Variants in PLAAT1 observed in about 807,000 individuals in gnomAD.
PLAAT1 encodes H-REV107 protein-related protein.
PLAAT1 carries 13 observed loss-of-function variants against 16.4 expected under a neutral mutation model. That is an observed-to-expected ratio of 0.79 (90% confidence interval 0.52 to 1.26). The LOEUF (loss-of-function observed/expected upper bound fraction) is 1.26, where lower values mean the gene tolerates loss of function less well. Ranked by LOEUF, PLAAT1 falls within the 50% of genes most tolerant of loss-of-function variation. The probability of loss-of-function intolerance (pLI) is 0.00; values close to 1 mark genes in which losing one functional copy is unlikely to be tolerated. For missense variants in PLAAT1, 218 were observed against 207.8 expected (o/e 1.05, Z -0.30); for synonymous variants, 73 against 78.4 (o/e 0.93, Z 0.36).
intron 2 of PLAAT1, among the ~76,000 whole-genome samples, chr3:193,260,376 GCTT>G (rs1160502377): frequency 1.3e-5 from 2 of 152,098 alleles, no homozygotes; most frequent in African/African-American, 4.8e-5. Context: ...AAACAAAAGA[GCTT>G]CTGCACAGCA....
chr3:193,256,978 G>A (rs1408283978), intron 2 of PLAAT1, among the ~76,000 whole-genome samples: 1 of 152,158 alleles, frequency 6.6e-6, no homozygotes, highest in African/African-American at 2.4e-5. Flanking sequence ...AGCTGAGGTG[G>A]TGCCGGCCTC....
At chr3:193,272,280 A>G (rs1441510724), downstream of PLAAT1, among the ~76,000 whole-genome samples, 4 of 152,152 alleles carry the variant, frequency 2.6e-5, no homozygotes, top group East Asian at 3.9e-4. Context: ...CGTCTCTACT[A>G]AAAATACAAA....
At position 193,241,320 on chromosome 3, in the gene PLAAT1, G is replaced by T; in HGVS notation, c.-214G>T. The stretch of plus-strand genomic sequence containing the variant: ...CTCAGAGCCGCGGAGGGGCCGCCGG[G>T]ACCGTTTCAGCGTGGCGGCGCTGGT... On this transcript the variant is annotated 5_prime_UTR_variant, in exon 1 of 4. Coordinates refer to ENST00000264735, the MANE Select transcript of PLAAT1 (RefSeq NM_020386.5). 3 of 1,231,262 alleles carry T rather than the reference G, an allele frequency of 2.4e-6. No individual in the cohort carries two copies. Among genetic ancestry groups the T allele is most frequent in the Non-Finnish European group, 3.0e-6 (3 of 987,662 alleles). 76.3% of individuals were successfully genotyped at this position (1,231,262 alleles called of 1,614,324 possible).
At chr3:193,273,158 C>T (rs919865746), downstream of PLAAT1, among the ~76,000 whole-genome samples, 1 of 152,160 alleles carries the variant, frequency 6.6e-6, no homozygotes, top group African/African-American at 2.4e-5. Flanking sequence ...AAATATTATA[C>T]AGTGTATCAA....
At chr3:193,261,879 G>T (rs1716595887) in intron 2 of PLAAT1, among the ~76,000 whole-genome samples, 1 of 152,162 alleles carries the variant, frequency 6.6e-6, no homozygotes, top group Non-Finnish European at 1.5e-5. Context: ...GGATATATAT[G>T]CTCTGAGGAC....
At chr3:193,263,732 T>G (rs564042784) in intron 3 of PLAAT1, among the ~76,000 whole-genome samples, 1 of 152,346 alleles carries the variant, frequency 6.6e-6, no homozygotes, top group African/African-American at 2.4e-5. Flanking sequence ...CAATGAAATT[T>G]TGTGCCTTTA....
chr3:193,247,828 G>A (rs1716036121), intron 1 of PLAAT1, among the ~76,000 whole-genome samples: 1 of 152,088 alleles, frequency 6.6e-6, no homozygotes, highest in African/African-American at 2.4e-5. Context: ...AATTTGTTGA[G>A]ATTTGCTTTG....
At chr3:193,280,719 ATAT>A (rs1355851274), downstream of PLAAT1, among the ~76,000 whole-genome samples, 3 of 152,182 alleles carry the variant, frequency 2.0e-5, no homozygotes, top group Non-Finnish European at 2.9e-5. Flanking sequence ...TACCTTAGAA[ATAT>A]TATTTTTTAA....
intron 1 of PLAAT1, among the ~76,000 whole-genome samples, chr3:193,246,670 T>C (rs1259132350): frequency 6.6e-6 from 1 of 152,232 alleles, no homozygotes; most frequent in African/African-American, 2.4e-5. Flanking sequence ...CCCATATTTA[T>C]TGATTTATAT....
intron 1 of PLAAT1, among the ~76,000 whole-genome samples, chr3:193,254,991 G>A (rs1716320651): frequency 6.6e-6 from 1 of 152,176 alleles, no homozygotes; most frequent in African/African-American, 2.4e-5. Flanking sequence ...TGAAATGACA[G>A]AGTAGGTTTT....
intron 2 of PLAAT1, among the ~76,000 whole-genome samples, chr3:193,276,359 T>C (rs1187241849): frequency 6.6e-6 from 1 of 152,234 alleles, no homozygotes; most frequent in Non-Finnish European, 1.5e-5. Context: ...CGGCTTCTCC[T>C]CTTTCTTATG....
chr3:193,241,279 C>T lies in PLAAT1; in HGVS notation c.-255C>T, dbSNP rs532286552. The T allele has an allele frequency of 9.7e-4, 1,196 of 1,230,040 alleles. 10 individuals are homozygous for T. In the African/African-American group the frequency reaches 0.017, roughly 17 times the overall value. The allele number at this position is 1,230,040 out of a possible 1,614,324, so 76.2% of individuals were successfully genotyped here. ...GACGCCGAGCCCAGCGCGTCGGCCC[C>T]CCGGCGTGCGGGCGTCTCAGAGCCG... is the stretch of plus-strand genomic sequence containing the variant. On this transcript the variant is annotated 5_prime_UTR_variant, in exon 1 of 4. Coordinates refer to ENST00000264735, the MANE Select transcript of PLAAT1 (RefSeq NM_020386.5).
At chr3:193,253,537 G>A (rs1716268903) in intron 1 of PLAAT1, among the ~76,000 whole-genome samples, 1 of 152,128 alleles carries the variant, frequency 6.6e-6, no homozygotes, top group Non-Finnish European at 1.5e-5. Flanking sequence ...ACTTGCGACA[G>A]CTTTTTACCA....
chr3:193,270,448 T>G (rs1716946360), intron 3 of PLAAT1, among the ~76,000 whole-genome samples, 156 bp from the exon 4 acceptor site: 1 of 152,242 alleles, frequency 6.6e-6, no homozygotes, highest in East Asian at 1.9e-4. Flanking sequence ...TATTTCTTCA[T>G]CTTTATGCAG....
At chr3:193,248,584 GA>G (rs905483860) in intron 1 of PLAAT1, among the ~76,000 whole-genome samples, 7 of 151,926 alleles carry the variant, frequency 4.6e-5, no homozygotes, top group African/African-American at 1.7e-4. Flanking sequence ...TATCTACTAA[GA>G]ATTTTTCCTT....
At chr3:193,246,896 C>T (rs1716002326) in intron 1 of PLAAT1, among the ~76,000 whole-genome samples, 1 of 151,910 alleles carries the variant, frequency 6.6e-6, no homozygotes, top group South Asian at 2.1e-4. Flanking sequence ...TGAGGTAGTC[C>T]CTGTTTTATA....
At chr3:193,255,021 CAG>C (rs1280758555) in intron 1 of PLAAT1, among the ~76,000 whole-genome samples, 1 of 152,090 alleles carries the variant, frequency 6.6e-6, no homozygotes, top group East Asian at 1.9e-4. Context: ...GGCATTTTTG[CAG>C]AGTTTTAGTA....
At chr3:193,254,318 G>A (rs1023969607) in intron 1 of PLAAT1, among the ~76,000 whole-genome samples, 17 of 152,084 alleles carry the variant, frequency 1.1e-4, no homozygotes, top group Non-Finnish European at 1.6e-4. Flanking sequence ...ATGATAGTCT[G>A]TATTCCCAAG....
At chr3:193,244,927 C>T (rs913785011) in intron 1 of PLAAT1, among the ~76,000 whole-genome samples, 4 of 152,216 alleles carry the variant, frequency 2.6e-5, no homozygotes, top group African/African-American at 9.7e-5. Flanking sequence ...CTCTTCAAGG[C>T]CTGCCCCACT....
Sources: gnomAD v4.1 joint callset for allele counts (sites outside exome capture counted in the v4.1 genomes callset) on GRCh38, gnomAD v4.1.1 for gene constraint, MANE v1.5 for transcripts, NCBI Gene and HGNC (gene_info 2026-07-23, HGNC 2026-07-21) for gene names.